The following TNFAIP8 variants were observed in gnomAD, a reference collection of about 807,000 sequenced individuals.
TNFAIP8 encodes the protein tumor necrosis factor alpha-induced protein 8.
In TNFAIP8, 7 loss-of-function variants were observed where a neutral mutation model predicts 13.3. The ratio of observed to expected loss-of-function variants is 0.52; its 90% CI spans 0.30 to 0.99. The LOEUF (loss-of-function observed/expected upper bound fraction) is 0.99. TNFAIP8 is among the 50% of genes least tolerant of loss of function. The probability of loss-of-function intolerance (pLI) is 0.07; values close to 1 mark genes in which losing one functional copy is unlikely to be tolerated. For synonymous variants in TNFAIP8, 94 were observed against 87.6 expected, an observed-to-expected ratio of 1.07 and a Z score of -0.41; for missense variants, 258 against 236.9, an observed-to-expected ratio of 1.09 and a Z score of -0.58.
intron 1 of TNFAIP8, among the ~76,000 whole-genome samples, chr5:119,278,031 T>TA (rs1748510774): frequency 1.3e-5 from 2 of 152,132 alleles, no homozygotes; most frequent in African/African-American, 2.4e-5. Flanking sequence ...TGAGGGGAGA[T>TA]ACACCTTCAG....
In TNFAIP8 at chr5:119,392,484, G is replaced by A. The variant is rs978460236; in HGVS notation, c.32-332G>A. On this transcript the variant is annotated intron_variant, in intron 1 of 1. Coordinates refer to ENST00000504771, the MANE Select transcript of TNFAIP8 (RefSeq NM_014350.4). Reference sequence around the variant, plus strand: ...CAGCTCACTGCAGCCTCCGCCTCCTGGGTTCAAGCGATTCTTCTGCCTCAG... The same window carrying A: ...CAGCTCACTGCAGCCTCCGCCTCCTAGGTTCAAGCGATTCTTCTGCCTCAG... 3.3e-5 allele frequency among the ~76,000 whole-genome samples: 5 copies of A among 152,162 alleles called. No homozygotes were observed. The East Asian group carries it at 9.7e-4, about 29-fold the overall frequency.
intron 1 of TNFAIP8, chr5:119,269,009 T>A (rs1412533702): frequency 3.2e-6 from 2 of 618,604 alleles, no homozygotes; most frequent in Non-Finnish European, 5.7e-6. Context: ...GCTCAGAGAG[T>A]TTCTGAAGCG....
chr5:119,331,315 C>T (rs1366462145), intron 1 of TNFAIP8, among the ~76,000 whole-genome samples: 2 of 151,610 alleles, frequency 1.3e-5, no homozygotes, highest in East Asian at 3.9e-4. Flanking sequence ...TCTCCCTGCT[C>T]TCTAGCCTAT....
chr5:119,300,899 G>A (rs1364307603), intron 1 of TNFAIP8, among the ~76,000 whole-genome samples: 2 of 152,178 alleles, frequency 1.3e-5, no homozygotes, highest in African/African-American at 2.4e-5. Context: ...TTCCTAGAGG[G>A]AAGAATTGCA....
intron 1 of TNFAIP8, among the ~76,000 whole-genome samples, chr5:119,375,211 G>A (rs1334039032): frequency 6.6e-6 from 1 of 152,190 alleles, no homozygotes; most frequent in East Asian, 1.9e-4. Context: ...GCAAGTGATT[G>A]GGAATTAATG....
At chr5:119,380,273 G>A (rs928225831) in intron 1 of TNFAIP8, among the ~76,000 whole-genome samples, 13 of 152,342 alleles carry the variant, frequency 8.5e-5, no homozygotes, top group African/African-American at 2.2e-4. Flanking sequence ...TCTTTGTTAT[G>A]TGGCCAGGAG....
At chr5:119,273,699 AAGAC>A (rs1439011838) in intron 1 of TNFAIP8, among the ~76,000 whole-genome samples, 2 of 152,194 alleles carry the variant, frequency 1.3e-5, no homozygotes, top group East Asian at 3.8e-4. Flanking sequence ...CAGATTATTT[AAGAC>A]AGACAGCTGC....
chr5:119,333,539 T>C (rs1450134853), intron 1 of TNFAIP8: 1 of 1,534,836 alleles, frequency 6.5e-7, no homozygotes, highest in Non-Finnish European at 8.7e-7. Flanking sequence ...GTCAACAGGG[T>C]GGTTGCATGC....
chr5:119,358,947 C>A (rs887397275), intron 1 of TNFAIP8, among the ~76,000 whole-genome samples: 1 of 152,068 alleles, frequency 6.6e-6, no homozygotes, highest in East Asian at 1.9e-4. Context: ...TCCTCCATTG[C>A]CCATAGTAGC....
intron 1 of TNFAIP8, among the ~76,000 whole-genome samples, chr5:119,317,089 G>T (rs1041785371): frequency 1.3e-5 from 2 of 152,180 alleles, no homozygotes; most frequent in African/African-American, 4.8e-5. Context: ...CACCCGGCAA[G>T]ATAATAAAAA....
chr5:119,277,176 G>C (rs73247101), intron 1 of TNFAIP8, among the ~76,000 whole-genome samples: 9,582 of 152,228 alleles, frequency 0.063, 500 homozygotes, highest in African/African-American at 0.14. Flanking sequence ...CACTGCAACT[G>C]TGGAAACCGA....
intron 1 of TNFAIP8, among the ~76,000 whole-genome samples, chr5:119,346,335 G>A (rs1562010309): frequency 1.3e-5 from 2 of 152,164 alleles, no homozygotes. Flanking sequence ...GGAGCCATGC[G>A]TGTTTGCAGC....
chr5:119,372,204 T>G (rs918849377), intron 1 of TNFAIP8, among the ~76,000 whole-genome samples: 1 of 151,346 alleles, frequency 6.6e-6, no homozygotes, highest in Non-Finnish European at 1.5e-5. Context: ...GTGGCACACC[T>G]GTAGTACTAG....
rs1291922386 is a variant in TNFAIP8, at chr5:119,390,564, T to G, written c.32-2252T>G. Among the ~76,000 whole-genome samples, 4 of 152,362 alleles carry G rather than the reference T, an allele frequency of 2.6e-5. No individual in the cohort carries two copies. The East Asian group carries it at 7.7e-4, about 29-fold the overall frequency. On this transcript the variant is annotated intron_variant, in intron 1 of 1. Transcript: ENST00000504771. ...GGCTGTTTCTCACACATTTTCACTTTCCTTCTCTTTTTCAAAATATATTTT... is the reference window on the plus strand; with the variant it reads ...GGCTGTTTCTCACACATTTTCACTTGCCTTCTCTTTTTCAAAATATATTTT...
intron 1 of TNFAIP8, among the ~76,000 whole-genome samples, chr5:119,277,168 C>G (rs185473095): frequency 8.5e-5 from 13 of 152,172 alleles, no homozygotes; most frequent in African/African-American, 3.1e-4. Flanking sequence ...TGTGGTCACA[C>G]TGCAACTGTG....
chr5:119,312,602 A>G (rs1242846228), intron 1 of TNFAIP8, among the ~76,000 whole-genome samples: 2 of 152,012 alleles, frequency 1.3e-5, no homozygotes, highest in Non-Finnish European at 2.9e-5. Context: ...TGTAAAGTTT[A>G]GGAAATAAGA....
At chr5:119,346,705 A>T (rs982794170) in intron 1 of TNFAIP8, among the ~76,000 whole-genome samples, 8 of 152,220 alleles carry the variant, frequency 5.3e-5, no homozygotes, top group Non-Finnish European at 1.2e-4. Context: ...TTAAACTGTG[A>T]ATTCGCTTGA....
intron 1 of TNFAIP8, among the ~76,000 whole-genome samples, chr5:119,372,309 T>G (rs1752110366): frequency 7.9e-6 from 1 of 126,086 alleles, no homozygotes; most frequent in East Asian, 2.2e-4. Context: ...AGCAACAGAG[T>G]GAGACCCTGT....
At chr5:119,322,596 A>G (rs1053408432) in intron 1 of TNFAIP8, among the ~76,000 whole-genome samples, 3 of 152,114 alleles carry the variant, frequency 2.0e-5, no homozygotes, top group Admixed American at 1.3e-4. Flanking sequence ...TGCTGCTCCC[A>G]TTTCTGTAGA....
Sources: allele counts gnomAD v4.1 joint callset (sites outside exome capture counted in the v4.1 genomes callset), GRCh38; gene constraint gnomAD v4.1.1; transcripts MANE v1.5; gene names NCBI Gene and HGNC (gene_info 2026-07-23, HGNC 2026-07-21).